RPS10: variants seen among roughly 807,000 people sequenced by gnomAD.
The protein encoded by RPS10 is small ribosomal subunit protein eS10.
A neutral mutation model predicts 22.6 loss-of-function variants in RPS10; 2 were observed. The observed-to-expected ratio is 0.09, with a 90% CI of 0.04 to 0.28. The LOEUF (loss-of-function observed/expected upper bound fraction) is 0.28, where lower values mean the gene tolerates loss of function less well. Among genes scored for constraint, RPS10 ranks in the 10% least tolerant of loss-of-function variants. The pLI is 1.00. For missense variants in RPS10, 137 were observed against 222.2 expected, an observed-to-expected ratio of 0.62 and a Z score of 2.44; for synonymous variants, 70 against 75.9, an observed-to-expected ratio of 0.92 and a Z score of 0.40.
intron 4 of RPS10, 32 bp downstream of exon 4, chr6:34,421,690 TCACCCCAA>T: frequency 6.2e-7 from 1 of 1,610,942 alleles, no homozygotes; most frequent in African/African-American, 1.3e-5. Flanking sequence ...TCCAGACATT[TCACCCCAA>T]CACCCCTAAT....
At chr6:34,420,441 C>T (rs1037457117) in intron 4 of RPS10, among the ~76,000 whole-genome samples, 11 of 152,056 alleles carry the variant, frequency 7.2e-5, no homozygotes, top group Non-Finnish European at 1.5e-4. Flanking sequence ...TGGTCTTGAA[C>T]TCCTGACCTC....
chr6:34,418,281 C>G (rs897110654), intron 5 of RPS10, 88 bp downstream of exon 5: 3 of 1,606,596 alleles, frequency 1.9e-6, no homozygotes, highest in Non-Finnish European at 2.5e-6. Flanking sequence ...CCCACCCATA[C>G]TATATGACAT....
chr6:34,424,984 G>C, intron 2 of RPS10, 88 bp downstream of exon 2: 1 of 1,609,856 alleles, frequency 6.2e-7, no homozygotes, highest in Non-Finnish European at 8.5e-7. Flanking sequence ...TGAACCTTAG[G>C]GGAAGATCCC....
At chr6:34,419,351 T>C (rs765353041) in intron 4 of RPS10, among the ~76,000 whole-genome samples, 1 of 151,768 alleles carries the variant, frequency 6.6e-6, no homozygotes, top group African/African-American at 2.4e-5. Context: ...TTTGTAGAGA[T>C]GGGGTTCTGC....
chr6:34,418,202 T>G, intron 5 of RPS10, 167 bp downstream of exon 5: 2 of 1,518,284 alleles, frequency 1.3e-6, no homozygotes, highest in South Asian at 2.5e-5. Flanking sequence ...TACAAAAGTT[T>G]GCATGCTACA....
intron 3 of RPS10, among the ~76,000 whole-genome samples, chr6:34,423,187 T>G (rs1273927234): frequency 1.3e-5 from 2 of 152,200 alleles, no homozygotes; most frequent in Non-Finnish European, 2.9e-5. Context: ...CTTTTTTTTT[T>G]TTTGACACAG....
intron 5 of RPS10, chr6:34,417,943 C>A (rs943934174): frequency 1.4e-6 from 1 of 718,780 alleles, no homozygotes; most frequent in African/African-American, 1.7e-5. Flanking sequence ...CCTGGATTAA[C>A]TAATCTCACA....
chr6:34,425,042 T>C (rs1183887913), intron 2 of RPS10, 30 bp downstream of exon 2: 1 of 1,611,818 alleles, frequency 6.2e-7, no homozygotes, highest in South Asian at 1.1e-5. Flanking sequence ...GGGAGGAAGA[T>C]CCATCCCATC....
At chr6:34,421,671 CTG>C in intron 4 of RPS10, 57 bp downstream of exon 4, 1 of 1,596,910 alleles carries the variant, frequency 6.3e-7, no homozygotes, top group Non-Finnish European at 8.6e-7. Context: ...CCAGAGCCAG[CTG>C]TGAGAATCCA....
chr6:34,419,296 G>A (rs1169377864), intron 4 of RPS10, among the ~76,000 whole-genome samples: 1 of 151,988 alleles, frequency 6.6e-6, no homozygotes, highest in Non-Finnish European at 1.5e-5. Flanking sequence ...GAAGTGTTGG[G>A]ATTACAGGCA....
chr6:34,420,678 T>C (rs532560576), intron 4 of RPS10, among the ~76,000 whole-genome samples: 2 of 152,212 alleles, frequency 1.3e-5, no homozygotes, highest in African/African-American at 4.8e-5. Flanking sequence ...AAACTCTTCT[T>C]GTACACCTTG....
At chr6:34,419,850 T>C (rs1251439041) in intron 4 of RPS10, among the ~76,000 whole-genome samples, 1 of 152,146 alleles carries the variant, frequency 6.6e-6, no homozygotes, top group African/African-American at 2.4e-5. Flanking sequence ...AGTGCTGGGA[T>C]TACAGGAGTG....
intron 3 of RPS10, among the ~76,000 whole-genome samples, chr6:34,423,059 G>C (rs989463782): frequency 6.6e-5 from 10 of 152,034 alleles, no homozygotes; most frequent in African/African-American, 2.4e-4. Context: ...CAGCCTAGGT[G>C]ACAGAATATA....
In RPS10 at chr6:34,424,826, T is replaced by G. The variant is rs1169108866; in HGVS notation, c.165A>C (p.Arg55=). ...VMKAMQSLKS[R]GYVKEQFAWR... ...AGGCAAACTGTTCCTTCACGTAGCC[T>G]CGGGACTTGAGAGACTGTAAGGCAG... Residue 55 remains arginine (R), a synonymous_variant, in exon 3 of 6, where the codon CGA becomes CGC. Transcript: ENST00000648437. 1 of 1,613,816 alleles carries G rather than the reference T, an allele frequency of 6.2e-7. No individual in the cohort carries two copies. The highest frequency in any genetic ancestry group is 8.5e-7 in the Non-Finnish European group (1 of 1,180,030).
At chr6:34,424,928 T>A in intron 2 of RPS10, 88 bp from the exon 3 acceptor site, 1 of 1,608,180 alleles carries the variant, frequency 6.2e-7, no homozygotes, top group East Asian at 2.2e-5. Flanking sequence ...CCCTTCAAGT[T>A]AGCAAGCAGC....
intron 4 of RPS10, among the ~76,000 whole-genome samples, chr6:34,419,240 G>A (rs1765681085): frequency 6.6e-6 from 1 of 152,008 alleles, no homozygotes; most frequent in African/African-American, 2.4e-5. Context: ...TCTCCAGGCT[G>A]GTCTCAAACT....
At chr6:34,419,253 C>T (rs538026462) in intron 4 of RPS10, among the ~76,000 whole-genome samples, 36 of 151,874 alleles carry the variant, frequency 2.4e-4, no homozygotes, top group Middle Eastern at 3.4e-3. Context: ...CTCAAACTCC[C>T]AACCTCAAGT....
intron 1 of RPS10, 195 bp from the exon 2 acceptor site, chr6:34,425,416 G>A: frequency 1.5e-6 from 1 of 664,730 alleles, no homozygotes; most frequent in Middle Eastern, 3.5e-4. Context: ...AGGTGGAAAA[G>A]TTGACAGTAT....
At chr6:34,422,562 G>A (rs1490353810) in intron 3 of RPS10, among the ~76,000 whole-genome samples, 3 of 151,990 alleles carry the variant, frequency 2.0e-5, no homozygotes, top group Non-Finnish European at 2.9e-5. Context: ...TGACCCTCCC[G>A]CCTTGGCCTT....
Sources: allele counts gnomAD v4.1 joint callset (sites outside exome capture counted in the v4.1 genomes callset), GRCh38; gene constraint gnomAD v4.1.1; transcripts MANE v1.5; gene names NCBI Gene and HGNC (gene_info 2026-07-23, HGNC 2026-07-21).